CD82: variants seen among roughly 807,000 people sequenced by gnomAD.
CD82 encodes CD82 antigen.
A neutral mutation model predicts 37.4 loss-of-function variants in CD82; 36 were observed. That is an observed-to-expected ratio of 0.96 (90% CI 0.74 to 1.27). The LOEUF is 1.27. CD82 is among the 50% of genes most tolerant of loss of function. The pLI is 0.00. For synonymous variants in CD82, 158 were observed against 137.4 expected, an observed-to-expected ratio of 1.15 and a Z score of -1.05; for missense variants, 340 against 347.0, an observed-to-expected ratio of 0.98 and a Z score of 0.16.
At chr11:44,573,469 C>T (rs1852844462) in intron 1 of CD82, among the ~76,000 whole-genome samples, 1 of 152,114 alleles carries the variant, frequency 6.6e-6, no homozygotes, top group Non-Finnish European at 1.5e-5. Flanking sequence ...CCTTGAGTCA[C>T]CTTTGGACAT....
chr11:44,572,460 G>C (rs958856129), intron 1 of CD82, among the ~76,000 whole-genome samples: 1 of 152,112 alleles, frequency 6.6e-6, no homozygotes, highest in African/African-American at 2.4e-5. Context: ...TATGAACTTG[G>C]GATCATATTG....
intron 1 of CD82, among the ~76,000 whole-genome samples, chr11:44,578,116 A>C (rs929469080): frequency 6.6e-6 from 1 of 151,990 alleles, no homozygotes; most frequent in Non-Finnish European, 1.5e-5. Context: ...AGGCGACCTG[A>C]GGGCGGCCTC....
At chr11:44,606,388 G>A (rs1853396562) in intron 6 of CD82, 1 of 150,962 alleles carries the variant, frequency 6.6e-6, no homozygotes, top group Non-Finnish European at 1.5e-5. Flanking sequence ...GCTGAGGCAG[G>A]AGGATCCTTG....
At chr11:44,602,721 A>G (rs1456182354) in intron 4 of CD82, among the ~76,000 whole-genome samples, 2 of 152,166 alleles carry the variant, frequency 1.3e-5, no homozygotes, top group African/African-American at 4.8e-5. Flanking sequence ...ACCCCAGAGC[A>G]TACCCTCACC....
At chr11:44,601,893 T>C (rs1853314599) in intron 4 of CD82, among the ~76,000 whole-genome samples, 2 of 152,136 alleles carry the variant, frequency 1.3e-5, no homozygotes, top group Non-Finnish European at 2.9e-5. Context: ...CACTAGGCAC[T>C]TGTGTAAACT....
chr11:44,590,662 T>TA (rs1853132019), intron 2 of CD82, among the ~76,000 whole-genome samples: 2 of 130,512 alleles, frequency 1.5e-5, no homozygotes, highest in African/African-American at 5.6e-5. Context: ...AGAAGCTGTA[T>TA]AAAAAACAGG....
At chr11:44,600,035 G>A in intron 3 of CD82, 123 bp from the exon 4 acceptor site, 1 of 857,486 alleles carries the variant, frequency 1.2e-6, no homozygotes, top group East Asian at 2.5e-5. Context: ...GCTGGAGAAG[G>A]GTGGATGTGG....
chr11:44,618,939 A>G, intron 9 of CD82, 110 bp from the exon 10 acceptor site: 1 of 1,023,422 alleles, frequency 9.8e-7, no homozygotes, highest in Admixed American at 1.8e-5. Context: ...GGTGGTTGTG[A>G]GGCTCAAGTT....
At chr11:44,584,050 A>T (rs933210786) in intron 1 of CD82, among the ~76,000 whole-genome samples, 1 of 152,064 alleles carries the variant, frequency 6.6e-6, no homozygotes, top group East Asian at 1.9e-4. Flanking sequence ...GTTTCTTCCC[A>T]CCTTGGTGGT....
intron 1 of CD82, among the ~76,000 whole-genome samples, chr11:44,571,833 C>T (rs1443863578): frequency 6.6e-6 from 1 of 152,118 alleles, no homozygotes; most frequent in Non-Finnish European, 1.5e-5. Context: ...CCTTGGCCTC[C>T]CAAAGGGATT....
intron 1 of CD82, among the ~76,000 whole-genome samples, chr11:44,582,476 C>T (rs1330146210): frequency 6.6e-6 from 1 of 152,218 alleles, no homozygotes; most frequent in East Asian, 1.9e-4. Context: ...ATTCTGGTTT[C>T]CTCTTGGAGG....
intron 1 of CD82, among the ~76,000 whole-genome samples, chr11:44,582,908 C>T (rs781006449): frequency 2.8e-4 from 43 of 152,212 alleles, no homozygotes; most frequent in Non-Finnish European, 5.4e-4. Context: ...TACTTCTCAA[C>T]GTGTATCATG....
chr11:44,610,614 G>A (rs1853466496), intron 6 of CD82, among the ~76,000 whole-genome samples: 1 of 151,850 alleles, frequency 6.6e-6, no homozygotes, highest in Non-Finnish European at 1.5e-5. Context: ...AGCTTGCCGA[G>A]GCTAAGATCC....
At position 44,615,260 on chromosome 11, in the gene CD82, TC is replaced by T. The variant is rs766613038; in HGVS notation, c.337-6del. On this transcript the variant is annotated splice_polypyrimidine_tract_variant and intron_variant, in intron 6 of 9. Transcript: ENST00000227155. The stretch of plus-strand genomic sequence containing the variant: ...GGAAATCTGACCCTGACCTTTGTCC[TC>T]CCCCCTGCAGCTGAAGCAGGAGATG... The T allele has an allele frequency of 2.0e-5, 32 of 1,576,762 alleles. No homozygotes were observed. Among genetic ancestry groups the T allele is most frequent in the Non-Finnish European group, 2.6e-5 (30 of 1,146,042 alleles).
At position 44,611,434 on chromosome 11, in the gene CD82, T is replaced by C. The variant is rs1460932390; in HGVS notation, c.337-3838T>C. Among the ~76,000 whole-genome samples, 3 of 152,214 alleles carry C rather than the reference T, an allele frequency of 2.0e-5. No homozygotes were observed. The East Asian group carries it at 5.8e-4, about 29-fold the overall frequency. ...GGAAAGAGGGCCGGGTATGTGAGCATGGGTCTCAAGCCCATCTCTGAACCA... is the reference window on the plus strand; with the variant it reads ...GGAAAGAGGGCCGGGTATGTGAGCACGGGTCTCAAGCCCATCTCTGAACCA... On this transcript the variant is annotated intron_variant, in intron 6 of 9. Transcript: ENST00000227155.
intron 6 of CD82, among the ~76,000 whole-genome samples, chr11:44,610,852 T>C (rs1421248907): frequency 2.6e-5 from 4 of 152,138 alleles, no homozygotes; most frequent in African/African-American, 9.7e-5. Flanking sequence ...CTTTTCTTTT[T>C]GAGATAGAGT....
At chr11:44,583,973 A>G (rs1423380913) in intron 1 of CD82, among the ~76,000 whole-genome samples, 1 of 152,108 alleles carries the variant, frequency 6.6e-6, no homozygotes. Context: ...CTTAATCTCT[A>G]AGACAAACAG....
intron 1 of CD82, among the ~76,000 whole-genome samples, chr11:44,572,593 T>C (rs116864721): frequency 2.0e-5 from 3 of 151,034 alleles, no homozygotes; most frequent in Non-Finnish European, 4.4e-5. Context: ...GGAGCGTCCA[T>C]TGTCCGCAGC....
intron 8 of CD82, 49 bp from the exon 9 acceptor site, chr11:44,618,591 G>T: frequency 6.8e-7 from 1 of 1,473,744 alleles, no homozygotes. Flanking sequence ...TGCATGGCGG[G>T]GTGGGATGGT....
Sources: allele counts gnomAD v4.1 joint callset (sites outside exome capture counted in the v4.1 genomes callset), GRCh38; gene constraint gnomAD v4.1.1; transcripts MANE v1.5; gene names NCBI Gene and HGNC (gene_info 2026-07-23, HGNC 2026-07-21).